The following NCKAP5 variants were observed in gnomAD, a reference collection of about 807,000 sequenced individuals.
NCKAP5 encodes NCK associated protein 5, also known as nck-associated protein 5.
In NCKAP5, 92 loss-of-function variants were observed where a neutral mutation model predicts 167.0. That is an observed-to-expected ratio of 0.55 (90% CI 0.47 to 0.66). The LOEUF is 0.66. Ranked by LOEUF, NCKAP5 falls within the 30% of genes least tolerant of loss-of-function variation. The probability of loss-of-function intolerance (pLI) is 0.00; values close to 1 mark genes in which losing one functional copy is unlikely to be tolerated. For synonymous variants in NCKAP5, 891 were observed against 877.4 expected, an observed-to-expected ratio of 1.02 and a Z score of -0.27; for missense variants, 2,378 against 2,315.0, an observed-to-expected ratio of 1.03 and a Z score of -0.56.
At chr2:133,288,003 G>A (rs1679284170) in intron 4 of NCKAP5, among the ~76,000 whole-genome samples, 1 of 152,142 alleles carries the variant, frequency 6.6e-6, no homozygotes, top group South Asian at 2.1e-4. Context: ...AAAACTTCCA[G>A]GACTCAGATT....
At chr2:133,388,977 C>T (rs557135198) in intron 3 of NCKAP5, among the ~76,000 whole-genome samples, 140 of 152,330 alleles carry the variant, frequency 9.2e-4, no homozygotes, top group Non-Finnish European at 1.7e-3. Flanking sequence ...TGACCCTTTG[C>T]GCTTCCCAGG....
chr2:133,529,932 T>C (rs1685223879), intron 2 of NCKAP5, among the ~76,000 whole-genome samples: 1 of 152,178 alleles, frequency 6.6e-6, no homozygotes, highest in African/African-American at 2.4e-5. Context: ...TTAAGAGACA[T>C]TGCAAATATT....
At chr2:133,609,432 A>C in the NCKAP5 span, among the ~76,000 whole-genome samples, 1 of 152,364 alleles carries the variant, frequency 6.6e-6, no homozygotes, top group Middle Eastern at 3.4e-3. Context: ...GAGTGGAAGA[A>C]GAACAATTCC....
At chr2:132,958,580 C>T (rs2076410950) in intron 8 of NCKAP5, among the ~76,000 whole-genome samples, 1 of 152,114 alleles carries the variant, frequency 6.6e-6, no homozygotes, top group African/African-American at 2.4e-5. Flanking sequence ...CCAGGTCTGG[C>T]CCTTGTCTAC....
At chr2:132,900,965 C>CAAAAA (rs1421394476) in intron 8 of NCKAP5, among the ~76,000 whole-genome samples, 3 of 31,646 alleles carry the variant, frequency 9.5e-5, no homozygotes, top group East Asian at 1.2e-3. Context: ...GACTCTGTCT[C>CAAAAA]AAAAAAAAAA....
chr2:133,534,577 A>T (rs75723502), intron 2 of NCKAP5, among the ~76,000 whole-genome samples: 1 of 152,070 alleles, frequency 6.6e-6, no homozygotes, highest in African/African-American at 2.4e-5. Flanking sequence ...TCCCACACAT[A>T]GAATCATGAT....
chr2:133,485,477 T>C (rs1333018794), intron 3 of NCKAP5, among the ~76,000 whole-genome samples: 1 of 152,158 alleles, frequency 6.6e-6, no homozygotes, highest in African/African-American at 2.4e-5. Context: ...GAACTATATA[T>C]CTTCCAAGAA....
At chr2:132,846,374 G>A (rs1325393283) in intron 11 of NCKAP5, among the ~76,000 whole-genome samples, 2 of 151,406 alleles carry the variant, frequency 1.3e-5, no homozygotes, top group African/African-American at 2.4e-5. Flanking sequence ...GCATGATTTC[G>A]GCTCATTGCA....
intron 3 of NCKAP5, among the ~76,000 whole-genome samples, chr2:133,333,017 T>A (rs1682968294): frequency 6.6e-6 from 1 of 152,288 alleles, no homozygotes; most frequent in Non-Finnish European, 1.5e-5. Context: ...TACCCAGCAA[T>A]GGGACTCCTT....
chr2:133,483,221 C>A (rs900913197), intron 3 of NCKAP5, among the ~76,000 whole-genome samples: 2 of 152,126 alleles, frequency 1.3e-5, no homozygotes, highest in African/African-American at 4.8e-5. Flanking sequence ...TCCCAAATTG[C>A]AAATGGAAAA....
At chr2:133,577,617 T>C in the NCKAP5 span, among the ~76,000 whole-genome samples, 1 of 152,138 alleles carries the variant, frequency 6.6e-6, no homozygotes, top group African/African-American at 2.4e-5. Context: ...GCTGCACCCA[T>C]TAACTCGTCA....
At chr2:133,297,972 C>T (rs2150546816) in intron 4 of NCKAP5, among the ~76,000 whole-genome samples, 1 of 152,308 alleles carries the variant, frequency 6.6e-6, no homozygotes, top group Non-Finnish European at 1.5e-5. Context: ...ACATGACATG[C>T]TATTCCCATG....
intron 6 of NCKAP5, among the ~76,000 whole-genome samples, chr2:133,050,609 A>C (rs888426864): frequency 6.6e-6 from 1 of 152,244 alleles, no homozygotes; most frequent in East Asian, 1.9e-4. Flanking sequence ...GGAATATAAT[A>C]GATGAAATTG....
chr2:133,550,513 T>C (rs1175543479), intron 2 of NCKAP5, among the ~76,000 whole-genome samples: 1 of 147,154 alleles, frequency 6.8e-6, no homozygotes, highest in Non-Finnish European at 1.5e-5. Context: ...ATTATCTCAA[T>C]AGATGCAGAA....
At chr2:133,209,890 A>C (rs1200489357) in intron 5 of NCKAP5, among the ~76,000 whole-genome samples, 1 of 152,120 alleles carries the variant, frequency 6.6e-6, no homozygotes, top group Non-Finnish European at 1.5e-5. Flanking sequence ...AATCTCAGCC[A>C]GGTGTGGTGG....
intron 6 of NCKAP5, among the ~76,000 whole-genome samples, chr2:133,102,550 G>A (rs1158452781): frequency 2.6e-5 from 4 of 152,164 alleles, no homozygotes; most frequent in African/African-American, 9.7e-5. Context: ...TTAGCTTCCT[G>A]AAAATATTTT....
intron 15 of NCKAP5, among the ~76,000 whole-genome samples, chr2:132,774,391 AT>A (rs962838490): frequency 6.6e-6 from 1 of 151,992 alleles, no homozygotes; most frequent in African/African-American, 2.4e-5. Flanking sequence ...TAAGAAGATA[AT>A]TTTTTTTCAT....
rs149157536 is a variant in NCKAP5 at position 133,495,007 on chromosome 2, C to G, written c.69+22451G>C. 1.3e-4 allele frequency among the ~76,000 whole-genome samples: 20 copies of G among 152,286 alleles called. No individual in the cohort carries two copies. The East Asian group carries it at 3.7e-3, about 28-fold the overall frequency. On this transcript the variant is annotated intron_variant, in intron 3 of 19. Transcript: ENST00000409261. ...CTGCACAACAAAACCTTGGTCTCCA[C>G]AACCCCTTATCTTAACCCAGAAATT...
intron 3 of NCKAP5, among the ~76,000 whole-genome samples, chr2:133,356,429 C>T (rs1208910431): frequency 1.3e-5 from 2 of 152,068 alleles, no homozygotes; most frequent in African/African-American, 2.4e-5. Flanking sequence ...CATTTAATCC[C>T]CATTTTCTCC....
Sources: allele counts gnomAD v4.1 joint callset (sites outside exome capture counted in the v4.1 genomes callset), GRCh38; gene constraint gnomAD v4.1.1; transcripts MANE v1.5; gene names NCBI Gene and HGNC (gene_info 2026-07-23, HGNC 2026-07-21).